The following VPS13B variants were observed in gnomAD, a reference collection of about 807,000 sequenced individuals.
The protein encoded by VPS13B is vacuolar protein sorting 13 homolog B.
Under a neutral mutation model 426.4 loss-of-function variants are expected in VPS13B, and 285 were observed. The observed-to-expected ratio is 0.67, with a 90% CI of 0.61 to 0.74. The LOEUF (loss-of-function observed/expected upper bound fraction) is 0.74, where lower values mean the gene tolerates loss of function less well. Among genes scored for constraint, VPS13B ranks in the 30% least tolerant of loss-of-function variants. The pLI is 0.00. For missense variants in VPS13B, 4,537 were observed against 4,782.6 expected (o/e 0.95, Z 1.51); for synonymous variants, 1,676 against 1,676.4 (o/e 1.00, Z 0.01).
At chr8:99,682,585 GT>G (rs1831197318) in intron 35 of VPS13B, among the ~76,000 whole-genome samples, 1 of 151,888 alleles carries the variant, frequency 6.6e-6, no homozygotes, top group Non-Finnish European at 1.5e-5. Flanking sequence ...TGCCTTTTTG[GT>G]ATCATGTATA....
intron 43 of VPS13B, among the ~76,000 whole-genome samples, chr8:99,803,727 TAAG>T (rs1232452259): frequency 6.6e-6 from 1 of 152,208 alleles, no homozygotes; most frequent in South Asian, 2.1e-4. Context: ...AAAGCAATAA[TAAG>T]CAACATATTT....
intron 39 of VPS13B, among the ~76,000 whole-genome samples, chr8:99,752,482 C>G (rs1810447718): frequency 6.6e-6 from 1 of 152,142 alleles, no homozygotes; most frequent in African/African-American, 2.4e-5. Context: ...TAGTCAGAGT[C>G]AAGTAGTTGT....
intron 39 of VPS13B, among the ~76,000 whole-genome samples, chr8:99,732,099 A>G (rs1034723314): frequency 6.6e-6 from 1 of 152,192 alleles, no homozygotes; most frequent in Admixed American, 6.5e-5. Context: ...AGAACATAAG[A>G]GACACTGCTG....
In VPS13B at chr8:99,139,864, AG is replaced by A. The variant is rs561947864; in HGVS notation, c.1652-3109del. 3.6e-3 allele frequency among the ~76,000 whole-genome samples: 543 copies of A among 152,070 alleles called. 3 individuals are homozygous for A. The highest frequency in any genetic ancestry group is 5.4e-3 in the Non-Finnish European group (366 of 67,974). ...TACTTGTAAATACTTAAAAAAAAAA[AG>A]CTTTATCTAAAACTCTTGTTTTTTT... On this transcript the variant is annotated intron_variant, in intron 12 of 61. Transcript: ENST00000357162.
At chr8:99,751,960 C>A (rs1219915007) in intron 39 of VPS13B, among the ~76,000 whole-genome samples, 1 of 152,106 alleles carries the variant, frequency 6.6e-6, no homozygotes, top group African/African-American at 2.4e-5. Context: ...GGACCTGAAT[C>A]TTTTATAATG....
intron 30 of VPS13B, among the ~76,000 whole-genome samples, chr8:99,546,008 C>A (rs1823950675): frequency 6.6e-6 from 1 of 152,010 alleles, no homozygotes; most frequent in African/African-American, 2.4e-5. Flanking sequence ...CATATTTTAA[C>A]ATCATACATT....
At chr8:99,034,444 A>T (rs1433459167) in intron 2 of VPS13B, among the ~76,000 whole-genome samples, 2 of 149,388 alleles carry the variant, frequency 1.3e-5, no homozygotes, top group Non-Finnish European at 3.0e-5. Context: ...CTCTATGTTC[A>T]TGAGGCCTCA....
rs115194178 is a variant in VPS13B at position 99,765,244 on chromosome 8, A to G, written c.7051-1530A>G. Among the ~76,000 whole-genome samples the G allele has an allele frequency of 3.5e-3, 534 of 152,312 alleles. 5 individuals carry two copies. The highest frequency in any genetic ancestry group is 0.013 in the African/African-American group (523 of 41,570). ...TGGGTGAAAAAGCAAAACTCTGTCT[A>G]TAAAAGAAAAGTTGTTTTTTTCTCA... On this transcript the variant is annotated intron_variant, in intron 39 of 61. Transcript: ENST00000357162.
intron 33 of VPS13B, among the ~76,000 whole-genome samples, chr8:99,592,304 A>G (rs903630315): frequency 1.2e-4 from 19 of 152,026 alleles, no homozygotes; most frequent in African/African-American, 4.3e-4. Context: ...CAGCTTTCTG[A>G]AGCCTACTTC....
Position 99,104,095 on chromosome 8 carries a change from T to C in VPS13B, c.580+975T>C, listed in dbSNP as rs149993217. On this transcript the variant is annotated intron_variant, in intron 5 of 61. Transcript: ENST00000357162. ...TTGTTGTTATGCAAACATCATAGAG[T>C]GTACTTACACAAACCTAGATGGTAT... 4.8e-3 allele frequency among the ~76,000 whole-genome samples: 726 copies of C among 152,216 alleles called. 4 individuals carry two copies. Among genetic ancestry groups the C allele is most frequent in the African/African-American group, 0.016 (679 of 41,540 alleles).
intron 33 of VPS13B, among the ~76,000 whole-genome samples, chr8:99,602,986 A>G (rs899099509): frequency 1.3e-5 from 2 of 152,250 alleles, no homozygotes; most frequent in African/African-American, 4.8e-5. Flanking sequence ...TGCTATCCCC[A>G]TCAAGCTACC....
intron 21 of VPS13B, among the ~76,000 whole-genome samples, chr8:99,410,983 T>C (rs988458489): frequency 6.6e-6 from 1 of 152,224 alleles, no homozygotes; most frequent in Non-Finnish European, 1.5e-5. Context: ...TTTGGGTTGG[T>C]TCCAAGTCTT....
Position 99,096,409 on chromosome 8 carries a change from C to T in VPS13B, c.389C>T (p.Pro130Leu), listed in dbSNP as rs757013378. The change falls in exon 4 of 62, where the codon CCT becomes CTT. Residue 130 changes from proline to leucine, a missense_variant. By Grantham distance (98) the Pro-to-Leu change is moderately conservative (BLOSUM62 -3). This residue lies in a region of VPS13B where 226 missense variants were observed against 308.3 expected (regional missense o/e 0.73). Transcript: ENST00000357162. Reference protein sequence around the residue: ...IKPRRMQQAAPTDPDLPPGYV... With the variant: ...IKPRRMQQAALTDPDLPPGYV... ...CCGCGGAGAATGCAGCAGGCTGCTC[C>T]TACAGATCCTGACTTACCACCAGGT... is the stretch of plus-strand genomic sequence containing the variant. The T allele has an allele frequency of 6.2e-7, 1 of 1,614,050 alleles. No homozygotes were observed. The highest frequency in any genetic ancestry group is 2.2e-5 in the East Asian group (1 of 44,868).
chr8:99,512,247 A>G (rs1403536209), intron 29 of VPS13B, among the ~76,000 whole-genome samples: 1 of 152,204 alleles, frequency 6.6e-6, no homozygotes, highest in East Asian at 1.9e-4. Context: ...AGTGGTATAC[A>G]GTTGCTTTCA....
intron 19 of VPS13B, among the ~76,000 whole-genome samples, chr8:99,354,266 CTTTTTTTTTTTTTTTTTTTTTTTTTT>C (rs71273176): frequency 4.5e-5 from 1 of 22,172 alleles, no homozygotes; most frequent in Non-Finnish European, 9.6e-5. Context: ...CTCCCCCTGC[CTTTTTTTTTTTTTTTTTTTTTTTTTT>C]TTTTTTTTTT....
chr8:99,333,386 C>A (rs549464797), intron 19 of VPS13B, among the ~76,000 whole-genome samples: 1 of 151,672 alleles, frequency 6.6e-6, no homozygotes, highest in East Asian at 1.9e-4. Context: ...CGGAAGGATC[C>A]TATGTATCTT....
intron 17 of VPS13B, among the ~76,000 whole-genome samples, chr8:99,262,426 T>C (rs764596938): frequency 6.6e-6 from 1 of 152,182 alleles, no homozygotes; most frequent in Non-Finnish European, 1.5e-5. Context: ...TTACAGTCTT[T>C]GTCACCTATT....
intron 44 of VPS13B, among the ~76,000 whole-genome samples, chr8:99,817,148 C>T (rs1010365255): frequency 1.3e-5 from 2 of 151,858 alleles, no homozygotes; most frequent in Admixed American, 6.6e-5. Flanking sequence ...CTTTTCACCC[C>T]GAGTCTGCCC....
intron 17 of VPS13B, among the ~76,000 whole-genome samples, chr8:99,270,129 A>ATTTTTTTTTTTTTTTTT (rs1370378172): frequency 5.3e-4 from 9 of 16,834 alleles, no homozygotes; most frequent in Non-Finnish European, 9.2e-4. Context: ...AGATATAAGA[A>ATTTTTTTTTTTTTTTTT]TCTTTTTTTT....
Sources: gnomAD v4.1 joint callset for allele counts (sites outside exome capture counted in the v4.1 genomes callset) on GRCh38, gnomAD v4.1.1 for gene constraint, gnomAD v4.1.1 regional missense constraint, MANE v1.5 for transcripts, NCBI Gene and HGNC (gene_info 2026-07-23, HGNC 2026-07-21) for gene names.